The following ANKZF1 variants were observed in gnomAD, a reference collection of about 807,000 sequenced individuals.
ANKZF1 encodes the protein ankyrin repeat and zinc finger peptidyl tRNA hydrolase 1.
ANKZF1 carries 84 observed loss-of-function variants against 86.0 expected under a neutral mutation model. That is an observed-to-expected ratio of 0.98 (90% CI 0.82 to 1.17). The LOEUF is 1.17. ANKZF1 is among the 50% of genes most tolerant of loss of function. ANKZF1 has a pLI of 0.00. For synonymous variants in ANKZF1, 331 were observed against 354.2 expected, an observed-to-expected ratio of 0.93 and a Z score of 0.74; for missense variants, 893 against 918.4, an observed-to-expected ratio of 0.97 and a Z score of 0.36.
Position 219,236,147 on chromosome 2 carries a change from T to C in ANKZF1, c.2057+52T>C, listed in dbSNP as rs373601157. 1.2e-4 allele frequency: 191 copies of C among 1,609,168 alleles called. 1 individual carries two copies. The highest frequency in any genetic ancestry group is 3.3e-4 in the Middle Eastern group (2 of 6,052). ...GTGGACTGTAATGTTGCAGGGACCA[T>C]TGGGGGCAAGAGAAATGAGTACCTG... On this transcript the variant is annotated intron_variant, in intron 13 of 13. Transcript: ENST00000323348.
chr2:219,231,949 CAGAA>C lies in ANKZF1; in HGVS notation c.177_180del (p.Arg59SerfsTer41), dbSNP rs1951050255. ...TTAGGCTCAGGGGAGAGAGAAAGCC[CAGAA>C]AGAAAGCTACTCCAGGGTCCTATGG... is the stretch of plus-strand genomic sequence containing the variant. On this transcript the variant is annotated frameshift_variant, in exon 3 of 14. Coordinates refer to ENST00000323348, the MANE Select transcript of ANKZF1 (RefSeq NM_018089.3). LOFTEE classifies it high-confidence loss of function. 3 of 1,613,820 alleles carry C rather than the reference CAGAA, an allele frequency of 1.9e-6. No individual in the cohort carries two copies. Among genetic ancestry groups the C allele is most frequent in the Non-Finnish European group, 2.5e-6 (3 of 1,179,920 alleles).
chr2:219,236,125 G>A (rs200722686), intron 13 of ANKZF1, 30 bp downstream of exon 13: 1 of 1,613,398 alleles, frequency 6.2e-7, no homozygotes, highest in Non-Finnish European at 8.5e-7. Context: ...GGAGTGGGTG[G>A]ACTGTAATGT....
chr2:219,236,566 C>T lies in ANKZF1; in HGVS notation c.*121C>T, dbSNP rs776583232. 9.4e-5 allele frequency: 125 copies of T among 1,330,834 alleles called. No individual in the cohort carries two copies. Among genetic ancestry groups the T allele is most frequent in the Non-Finnish European group, 1.1e-4 (111 of 983,304 alleles). The allele number at this position is 1,330,834 out of a possible 1,614,324, so 82.4% of individuals were successfully genotyped here. Reference sequence around the variant, plus strand: ...TTGGAAGATGGGGGTGAAGGACACTCGGGAACTAGGGCAAAGACAGGGCTA... The same window carrying T: ...TTGGAAGATGGGGGTGAAGGACACTTGGGAACTAGGGCAAAGACAGGGCTA... On this transcript the variant is annotated 3_prime_UTR_variant, in exon 14 of 14. Transcript: ENST00000323348.
chr2:219,231,316 C>A, intron 2 of ANKZF1: 1 of 223,280 alleles, frequency 4.5e-6, no homozygotes. Flanking sequence ...TTAACCGACC[C>A]CAAGGCTTTT....
chr2:219,233,193 TGA>T lies in ANKZF1; in HGVS notation c.671+6_671+7del, dbSNP rs1188709570. ...CTTTGCTGGTGCTATATTTCAAGGG[TGA>T]GAGGGTGCTGCATGGGGGTAAGGAT... On this transcript the variant is annotated splice_donor_region_variant and intron_variant, in intron 6 of 13. Coordinates refer to ENST00000323348, the MANE Select transcript of ANKZF1 (RefSeq NM_018089.3). 1 of 1,614,120 alleles carries T rather than the reference TGA, an allele frequency of 6.2e-7. No homozygotes were observed. Among genetic ancestry groups the T allele is most frequent in the South Asian group, 1.1e-5 (1 of 91,056 alleles).
chr2:219,232,218 G>C, intron 3 of ANKZF1, 42 bp from the exon 4 acceptor site: 2 of 1,593,320 alleles, frequency 1.3e-6, no homozygotes, highest in Non-Finnish European at 1.7e-6. Context: ...GCCAGGCTGG[G>C]GCATATTTCC....
At chr2:219,231,738 G>A in intron 2 of ANKZF1, 190 bp from the exon 3 acceptor site, 1 of 546,190 alleles carries the variant, frequency 1.8e-6, no homozygotes, top group East Asian at 3.1e-5. Flanking sequence ...GTTTTCAGAA[G>A]CATGTTTATT....
chr2:219,233,559 G>A (rs929495701), intron 7 of ANKZF1, 126 bp downstream of exon 7: 11 of 1,407,100 alleles, frequency 7.8e-6, no homozygotes, highest in East Asian at 4.8e-5. Flanking sequence ...GTAGACAAAG[G>A]TAGATGAGGG....
At position 219,230,336 on chromosome 2, in the gene ANKZF1, C is replaced by T; in HGVS notation, c.79C>T (p.Gln27Ter). 1.2e-6 allele frequency: 2 copies of T among 1,614,126 alleles called. No individual in the cohort carries two copies. Among genetic ancestry groups the T allele is most frequent in the Non-Finnish European group, 1.7e-6 (2 of 1,179,986 alleles). Residue 27 changes from glutamine (Q) to a stop codon, truncating the protein, a stop_gained, in exon 2 of 14, where the codon CAG (glutamine) becomes TAG (stop). Coordinates refer to ENST00000323348, the MANE Select transcript of ANKZF1 (RefSeq NM_018089.3). LOFTEE classifies it high-confidence loss of function. ...CCTCAGCGCGGATGCTCCGGTCTTT[C>T]AGGGCCTGAGCCTGGTGAGCCACGC... ...FDLSADAPVF[Q>*]GLSLVSHAPG...
At chr2:219,230,059 T>TG (rs1021497693) in intron 1 of ANKZF1, 159 bp downstream of exon 1, 1 of 536,776 alleles carries the variant, frequency 1.9e-6, no homozygotes. Flanking sequence ...GGGCTGAGAC[T>TG]GGGGGTTTGA....
chr2:219,234,499 G>A, intron 9 of ANKZF1: 3 of 705,976 alleles, frequency 4.2e-6, no homozygotes, highest in Middle Eastern at 3.4e-4. Flanking sequence ...AAATCTTTGT[G>A]TGGAGCAGAT....
intron 13 of ANKZF1, 90 bp from the exon 14 acceptor site, chr2:219,236,230 GAA>G: frequency 6.2e-7 from 1 of 1,607,018 alleles, no homozygotes; most frequent in Non-Finnish European, 8.5e-7. Context: ...ATGCTGCAGT[GAA>G]AACAGAAATG....
At position 219,235,328 on chromosome 2, in the gene ANKZF1, C is replaced by A; in HGVS notation, c.1691+16C>A. The A allele has an allele frequency of 6.2e-7, 1 of 1,602,392 alleles. No individual in the cohort carries two copies. The highest frequency in any genetic ancestry group is 8.5e-7 in the Non-Finnish European group (1 of 1,173,806). ...CCACTGTGCAGTGAGTAAAGGTCCCCATCCTGAGTCATTTTGGGTATAGAG... is the reference window on the plus strand; with the variant it reads ...CCACTGTGCAGTGAGTAAAGGTCCCAATCCTGAGTCATTTTGGGTATAGAG... On this transcript the variant is annotated intron_variant, in intron 10 of 13. Coordinates refer to ENST00000323348, the MANE Select transcript of ANKZF1 (RefSeq NM_018089.3).
intron 5 of ANKZF1, 146 bp from the exon 6 acceptor site, chr2:219,232,933 C>A (rs917972559): frequency 3.9e-5 from 36 of 914,498 alleles, no homozygotes; most frequent in Admixed American, 1.4e-4. Flanking sequence ...ACTGCCTCGC[C>A]AAGCCTCAAA....
intron 10 of ANKZF1, 27 bp downstream of exon 10, chr2:219,235,339 AT>A: frequency 6.2e-7 from 1 of 1,600,568 alleles, no homozygotes; most frequent in Non-Finnish European, 8.5e-7. Flanking sequence ...ATCCTGAGTC[AT>A]TTTGGGTATA....
rs763035394 is a variant in ANKZF1, at chr2:219,235,884, G to T, written c.1971+9G>T. ...TCAGTGACCGAGAGAAGGTGAGGCT[G>T]GAGGTTCTCTTGTCCATGGCAAGGC... On this transcript the variant is annotated intron_variant, in intron 12 of 13. Coordinates refer to ENST00000323348, the MANE Select transcript of ANKZF1 (RefSeq NM_018089.3). The T allele has an allele frequency of 4.5e-5, 72 of 1,613,988 alleles. No homozygotes were observed. The highest frequency in any genetic ancestry group is 5.8e-5 in the Non-Finnish European group (68 of 1,179,948).
At chr2:219,234,756 A>C (rs2106464850) in intron 9 of ANKZF1, 70 bp from the exon 10 acceptor site, 1 of 1,514,238 alleles carries the variant, frequency 6.6e-7, no homozygotes, top group East Asian at 2.3e-5. Context: ...TCAGGCTTTC[A>C]TTCTTATGCA....
In ANKZF1 at chr2:219,229,868, G is replaced by A. The variant is rs1404338407; in HGVS notation, c.-63G>A. On this transcript the variant is annotated 5_prime_UTR_variant, in exon 1 of 14. Coordinates refer to ENST00000323348, the MANE Select transcript of ANKZF1 (RefSeq NM_018089.3). This position sits in a 1 kb window ranked among gnomAD's most constrained non-coding sequence, Gnocchi z 4.2. The stretch of plus-strand genomic sequence containing the variant: ...GCAGAAATCCGGCAATCGACCTGAG[G>A]ACTTGCGAGCCGCTCAGCTCCCGGG... 2.2e-5 allele frequency: 4 copies of A among 183,892 alleles called. 1 individual carries two copies. Among genetic ancestry groups the A allele is most frequent in the African/African-American group, 9.5e-5 (4 of 42,068 alleles). The allele number at this position is 183,892 out of a possible 1,614,324, so 11.4% of individuals were successfully genotyped here. A position where few individuals can be genotyped will look rare whatever the true frequency, so the allele number is the denominator to read the frequency against.
intron 13 of ANKZF1, 70 bp from the exon 14 acceptor site, chr2:219,236,252 G>A: frequency 6.2e-7 from 1 of 1,610,570 alleles, no homozygotes; most frequent in Non-Finnish European, 8.5e-7. Context: ...GGCAGGAGGA[G>A]GGACGGGGAG....
Sources: gnomAD v4.1 joint callset for allele counts on GRCh38, gnomAD v4.1.1 for gene constraint, Gnocchi (gnomAD v3.1) non-coding constraint, MANE v1.5 for transcripts, NCBI Gene and HGNC (gene_info 2026-07-23, HGNC 2026-07-21) for gene names.